Variants in EPHA3 observed in about 807,000 individuals in gnomAD.
EPHA3 encodes EPH receptor A3, also known as ephrin type-A receptor 3.
Under a neutral mutation model 107.1 loss-of-function variants are expected in EPHA3, and 42 were observed. The observed-to-expected ratio is 0.39, with a 90% CI of 0.31 to 0.51. The LOEUF (loss-of-function observed/expected upper bound fraction) is 0.51. EPHA3 is among the 20% of genes least tolerant of loss of function. The pLI is 0.78. For synonymous variants in EPHA3, 461 were observed against 424.8 expected, an observed-to-expected ratio of 1.09 and a Z score of -1.05; for missense variants, 1,183 against 1,211.2, an observed-to-expected ratio of 0.98 and a Z score of 0.35.
At chr3:89,143,942 G>C (rs1017573751) in intron 2 of EPHA3, among the ~76,000 whole-genome samples, 2 of 151,470 alleles carry the variant, frequency 1.3e-5, no homozygotes, top group African/African-American at 4.8e-5. Flanking sequence ...GCAGTTTTAA[G>C]TTTACAGAAT....
At chr3:89,334,184 T>G (rs1707348588) in intron 3 of EPHA3, among the ~76,000 whole-genome samples, 1 of 152,200 alleles carries the variant, frequency 6.6e-6, no homozygotes, top group Non-Finnish European at 1.5e-5. Flanking sequence ...GGGAATTATT[T>G]GTTTGGCAGT....
At chr3:89,155,094 A>G (rs1704770011) in intron 2 of EPHA3, among the ~76,000 whole-genome samples, 1 of 151,634 alleles carries the variant, frequency 6.6e-6, no homozygotes, top group Non-Finnish European at 1.5e-5. Flanking sequence ...TACATTAAAT[A>G]TAGAAAGATG....
chr3:89,308,921 T>C (rs6768381), intron 3 of EPHA3, among the ~76,000 whole-genome samples: 71,946 of 151,922 alleles, frequency 0.47, 17,488 homozygotes, highest in African/African-American at 0.56. Flanking sequence ...CTTAGACTAC[T>C]TTTCCATTAT....
At chr3:89,389,890 G>T (rs1474970513) in intron 5 of EPHA3, among the ~76,000 whole-genome samples, 1 of 152,130 alleles carries the variant, frequency 6.6e-6, no homozygotes, top group Non-Finnish European at 1.5e-5. Flanking sequence ...AATGACTCAG[G>T]TTACAATGTG....
chr3:89,283,026 C>T (rs1481344040), intron 3 of EPHA3, among the ~76,000 whole-genome samples: 2 of 152,046 alleles, frequency 1.3e-5, no homozygotes, highest in African/African-American at 2.4e-5. Context: ...TTATTTGATA[C>T]AGGAGAAGCC....
intron 1 of EPHA3, among the ~76,000 whole-genome samples, chr3:89,110,110 T>C (rs1308977977): frequency 6.6e-6 from 1 of 151,988 alleles, no homozygotes; most frequent in East Asian, 1.9e-4. Flanking sequence ...GGAGTGGTGA[T>C]TTAAAAATGG....
intron 2 of EPHA3, among the ~76,000 whole-genome samples, chr3:89,167,787 A>G (rs1318343822): frequency 6.6e-6 from 1 of 152,134 alleles, no homozygotes; most frequent in Non-Finnish European, 1.5e-5. Context: ...GGAGCAAGAT[A>G]GAATTCCCAC....
At chr3:89,166,765 A>T (rs1317077731) in intron 2 of EPHA3, among the ~76,000 whole-genome samples, 2 of 152,138 alleles carry the variant, frequency 1.3e-5, no homozygotes, top group Non-Finnish European at 2.9e-5. Flanking sequence ...GTCTAGGGAG[A>T]ACCTAAACAA....
At chr3:89,443,777 T>G (rs1559698446) in intron 13 of EPHA3, among the ~76,000 whole-genome samples, 1 of 152,040 alleles carries the variant, frequency 6.6e-6, no homozygotes, top group Non-Finnish European at 1.5e-5. Context: ...ACATCCCAGA[T>G]TAGGCAGGAT....
chr3:89,132,367 C>T (rs1338802805), intron 2 of EPHA3, among the ~76,000 whole-genome samples: 4 of 152,138 alleles, frequency 2.6e-5, no homozygotes, highest in Non-Finnish European at 5.9e-5. Context: ...TTTATCTTTG[C>T]TCAAATATTC....
intron 5 of EPHA3, among the ~76,000 whole-genome samples, chr3:89,368,326 T>A (rs1228161505): frequency 2.0e-5 from 3 of 150,480 alleles, no homozygotes; most frequent in African/African-American, 7.3e-5. Flanking sequence ...TATAAGGTAG[T>A]ATATTAGTTA....
At chr3:89,345,434 A>G (rs537477444) in intron 5 of EPHA3, among the ~76,000 whole-genome samples, 7 of 151,300 alleles carry the variant, frequency 4.6e-5, no homozygotes, top group East Asian at 1.9e-4. Context: ...AAATATTGCA[A>G]TAGTGTGCAT....
At chr3:89,477,157 A>T (rs1443684317) in intron 16 of EPHA3, among the ~76,000 whole-genome samples, 1 of 152,186 alleles carries the variant, frequency 6.6e-6, no homozygotes, top group Non-Finnish European at 1.5e-5. Flanking sequence ...CCTGTAACGC[A>T]CATTCTCAAA....
chr3:89,456,875 A>G (rs1710108125), intron 15 of EPHA3, among the ~76,000 whole-genome samples: 1 of 152,194 alleles, frequency 6.6e-6, no homozygotes, highest in African/African-American at 2.4e-5. Context: ...ACCGTGTGTG[A>G]GACATTATGT....
At chr3:89,137,262 C>G (rs1484457453) in intron 2 of EPHA3, among the ~76,000 whole-genome samples, 1 of 151,838 alleles carries the variant, frequency 6.6e-6, no homozygotes, top group Non-Finnish European at 1.5e-5. Flanking sequence ...GAACAAGATA[C>G]ATACCCTGAT....
chr3:89,349,877 G>T (rs1159821306), intron 5 of EPHA3, among the ~76,000 whole-genome samples: 1 of 146,232 alleles, frequency 6.8e-6, no homozygotes, highest in Non-Finnish European at 1.5e-5. Flanking sequence ...CACTTATGAA[G>T]CTTAGTTTGG....
chr3:89,174,494 G>A (rs914798204), intron 2 of EPHA3, among the ~76,000 whole-genome samples: 6 of 151,922 alleles, frequency 3.9e-5, no homozygotes, highest in African/African-American at 1.4e-4. Flanking sequence ...TAAGCAGCAT[G>A]TGCATTTACA....
intron 3 of EPHA3, among the ~76,000 whole-genome samples, chr3:89,334,166 G>A (rs1707348306): frequency 6.6e-6 from 1 of 152,162 alleles, no homozygotes; most frequent in Non-Finnish European, 1.5e-5. Context: ...TATGATGAAA[G>A]TATAACAGGG....
intron 5 of EPHA3, among the ~76,000 whole-genome samples, chr3:89,377,889 GA>G (rs1295488247): frequency 7.2e-5 from 11 of 152,046 alleles, no homozygotes; most frequent in Admixed American, 5.9e-4. Flanking sequence ...GGAACACATA[GA>G]AAAATGTTCA....
Sources: allele counts gnomAD v4.1 joint callset (sites outside exome capture counted in the v4.1 genomes callset), GRCh38; gene constraint gnomAD v4.1.1; transcripts MANE v1.5; gene names NCBI Gene and HGNC (gene_info 2026-07-23, HGNC 2026-07-21).